The following PSG8 variants were observed in gnomAD, a reference collection of about 807,000 sequenced individuals.
The protein encoded by PSG8 is pregnancy-specific beta-1-glycoprotein 8.
In PSG8, 57 loss-of-function variants were observed where a neutral mutation model predicts 42.5. The ratio of observed to expected loss-of-function variants is 1.34; its 90% CI spans 1.08 to 1.67. The LOEUF (loss-of-function observed/expected upper bound fraction) is 1.67. PSG8 is among the 40% of genes most tolerant of loss of function. The pLI is 0.00. For synonymous variants in PSG8, 280 were observed against 196.8 expected (o/e 1.42, Z -3.54); for missense variants, 783 against 518.6 (o/e 1.51, Z -4.95).
intron 2 of PSG8, among the ~76,000 whole-genome samples, chr19:42,760,315 A>C (rs4803544): frequency 0.027 from 4,091 of 152,228 alleles, 84 homozygotes; most frequent in Non-Finnish European, 0.042. Flanking sequence ...GCCACCTCCA[A>C]CTGGTCCCCA....
rs566992814 is a variant in PSG8 at position 42,754,406 on chromosome 19, C to T, written c.1170G>A (p.Gly390=). Residue 390 remains glycine, a synonymous_variant, in exon 5 of 5, where the codon GGG becomes GGA. Coordinates refer to ENST00000306511, the MANE Select transcript of PSG8 (RefSeq NM_182707.3). ...AGTTACGAACAGAGCAAGCATAGAG[C>T]CCGCTATGCTTTGTAGTAATTTGGG... The part of the protein sequence containing the change: ...FIPQITTKHS[G]LYACSVRNSA... 27 of 1,613,796 alleles carry T rather than the reference C, an allele frequency of 1.7e-5. No individual in the cohort carries two copies. The African/African-American group carries it at 1.7e-4, about 10-fold the overall frequency.
Position 42,765,658 on chromosome 19 carries a change from A to G in PSG8, c.-77T>C. 3.2e-6 allele frequency: 5 copies of G among 1,562,224 alleles called. No homozygotes were observed. Among genetic ancestry groups the G allele is most frequent in the Non-Finnish European group, 4.4e-6 (5 of 1,144,824 alleles). Reference sequence around the variant, plus strand: ...AAGCTTCCTGAGCACAGCTCTCAGCAGTGCTGTCCTGCCTCCTTCTGCGCT... The same window carrying G: ...AAGCTTCCTGAGCACAGCTCTCAGCGGTGCTGTCCTGCCTCCTTCTGCGCT... On this transcript the variant is annotated 5_prime_UTR_variant, in exon 1 of 5. Coordinates refer to ENST00000306511, the MANE Select transcript of PSG8 (RefSeq NM_182707.3).
Position 42,764,282 on chromosome 19 carries a change from C to T in PSG8, c.65-1G>A, listed in dbSNP as rs767406965. 5 of 1,611,654 alleles carry T rather than the reference C, an allele frequency of 3.1e-6. No individual in the cohort carries two copies. The highest frequency in any genetic ancestry group is 2.5e-6 in the Non-Finnish European group (3 of 1,178,742). The stretch of plus-strand genomic sequence containing the variant: ...GGGTTCCAGAAGTTTAAAAGTGATG[C>T]TAGGAGGTGGAGAGAGCATCAGTCA... On this transcript the variant is annotated splice_acceptor_variant, in intron 1 of 4. Transcript: ENST00000306511. LOFTEE classifies it high-confidence loss of function.
intron 2 of PSG8, 104 bp from the exon 3 acceptor site, chr19:42,758,384 G>C (rs1361812583): frequency 6.5e-7 from 1 of 1,536,266 alleles, no homozygotes; most frequent in Non-Finnish European, 8.7e-7. Context: ...GCCCACCCAA[G>C]TCCTTAAAAG....
intron 2 of PSG8, 40 bp downstream of exon 2, chr19:42,763,876 C>A: frequency 6.2e-7 from 1 of 1,613,454 alleles, no homozygotes; most frequent in Non-Finnish European, 8.5e-7. Flanking sequence ...AGAAGTGACC[C>A]CTGTCCCCCA....
At chr19:42,763,717 G>A (rs1970134785) in intron 2 of PSG8, 199 bp downstream of exon 2, 2 of 1,054,256 alleles carry the variant, frequency 1.9e-6, no homozygotes, top group Admixed American at 3.9e-5. Flanking sequence ...AGTGTCTGCA[G>A]GGTCTGGATG....
At chr19:42,764,316 A>T (rs1487328333) in intron 1 of PSG8, 35 bp from the exon 2 acceptor site, 4 of 1,594,628 alleles carry the variant, frequency 2.5e-6, no homozygotes, top group Non-Finnish European at 3.4e-6. Context: ...CAATATTGAG[A>T]GCTATGTATT....
rs953187297 is a variant in PSG8 at position 42,755,253 on chromosome 19, C to T, written c.723G>A (p.Lys241=). ...TTAAGTTGTTGATGGTGATGTAGGG[C>T]TTGGGCAGCTTCGCTGTGTGGATAA... ...FTLNLLPKLP[K]PYITINNLKP... is the part of the protein sequence containing the mutation. Residue 241 remains lysine (K), a synonymous_variant, in exon 4 of 5, where the codon AAG becomes AAA. Coordinates refer to ENST00000306511, the MANE Select transcript of PSG8 (RefSeq NM_182707.3). The T allele has an allele frequency of 8.1e-6, 13 of 1,612,100 alleles. No individual in the cohort carries two copies. The highest frequency in any genetic ancestry group is 1.0e-5 in the Non-Finnish European group (12 of 1,179,772).
intron 2 of PSG8, among the ~76,000 whole-genome samples, chr19:42,761,194 T>C (rs1287090116): frequency 6.6e-6 from 1 of 152,166 alleles, no homozygotes; most frequent in Admixed American, 6.5e-5. Flanking sequence ...CTGTCCTCAC[T>C]CATTGCTGGG....
chr19:42,761,443 T>C (rs1413391986), intron 2 of PSG8, among the ~76,000 whole-genome samples: 1 of 152,186 alleles, frequency 6.6e-6, no homozygotes, highest in Non-Finnish European at 1.5e-5. Context: ...ACAAAAGTTG[T>C]AACTAATTGC....
intron 4 of PSG8, 100 bp from the exon 5 acceptor site, chr19:42,754,687 C>A: frequency 1.4e-6 from 2 of 1,413,488 alleles, no homozygotes; most frequent in South Asian, 1.4e-5. Flanking sequence ...CCAAGACACA[C>A]CCTCAAGTCC....
In PSG8 at chr19:42,758,148, G is replaced by T. The variant is rs766646869; in HGVS notation, c.563C>A (p.Pro188His). 6.2e-7 allele frequency: 1 copy of T among 1,613,994 alleles called. No individual in the cohort carries two copies. Among genetic ancestry groups the T allele is most frequent in the Non-Finnish European group, 8.5e-7 (1 of 1,179,958 alleles). ...AGACAACTGCAACCTGTGAGACATAGGGAGGCTCTGACCATTCATCCACCA... is the reference window on the plus strand; with the variant it reads ...AGACAACTGCAACCTGTGAGACATATGGAGGCTCTGACCATTCATCCACCA... ...YLWWMNGQSL[P>H]MSHRLQLSET... Residue 188 changes from proline (P) to histidine (H), a missense_variant, in exon 3 of 5, where the codon CCT becomes CAT. Physicochemically the swap from Pro to His is moderately conservative, Grantham distance 77 (BLOSUM62 -2). Coordinates refer to ENST00000306511, the MANE Select transcript of PSG8 (RefSeq NM_182707.3).
chr19:42,760,149 A>C (rs555022698), intron 2 of PSG8, among the ~76,000 whole-genome samples: 1 of 152,320 alleles, frequency 6.6e-6, no homozygotes, highest in East Asian at 1.9e-4. Flanking sequence ...ACACCACTAG[A>C]GTTTAAGTTT....
rs370580594 is a variant in PSG8, at chr19:42,764,258, G to A, written c.88C>T (p.Pro30Ser). Residue 30 changes from proline (P) to serine (S), a missense_variant, in exon 2 of 5, where the codon CCA becomes TCA. By Grantham distance (74) the Pro-to-Ser change is moderately conservative (BLOSUM62 -1). Transcript: ENST00000306511. Reference sequence around the variant, plus strand: ...ATCGTGACTTGGGCAGTCGTGGGTGGGTTCCAGAAGTTTAAAAGTGATGCT... The same window carrying A: ...ATCGTGACTTGGGCAGTCGTGGGTGAGTTCCAGAAGTTTAAAAGTGATGCT... ...LTASLLNFWN[P>S]PTTAQVTIEA... The A allele has an allele frequency of 1.3e-4, 216 of 1,613,434 alleles. 5 individuals are homozygous for A. The highest frequency in any genetic ancestry group is 1.2e-3 in the Middle Eastern group (7 of 6,042).
rs571879533 is a variant in PSG8 at position 42,758,555 on chromosome 19, T to C, written c.431-275A>G. ...ACACAGGACCAGCAGTCACAGCCCC[T>C]GTTGCCTCTCTGAGTCCCTCCGTCT... On this transcript the variant is annotated intron_variant, in intron 2 of 4. Coordinates refer to ENST00000306511, the MANE Select transcript of PSG8 (RefSeq NM_182707.3). The C allele has an allele frequency of 3.8e-5, 25 of 654,144 alleles. No homozygotes were observed. In the East Asian group the frequency reaches 8.4e-4, roughly 22 times the overall value. 40.5% of individuals were successfully genotyped at this position (654,144 alleles called of 1,614,324 possible). A position where few individuals can be genotyped will look rare whatever the true frequency, so the allele number is the denominator to read the frequency against.
intron 2 of PSG8, among the ~76,000 whole-genome samples, chr19:42,761,433 A>G (rs62112124): frequency 0.019 from 2,949 of 152,302 alleles, 67 homozygotes; most frequent in South Asian, 0.031. Flanking sequence ...GCAAGAGTTT[A>G]CAAAAGTTGT....
chr19:42,756,693 A>T (rs537871418), intron 3 of PSG8, among the ~76,000 whole-genome samples: 9 of 151,824 alleles, frequency 5.9e-5, no homozygotes, highest in African/African-American at 2.2e-4. Context: ...GCCATGCCTC[A>T]CTCGTATATT....
chr19:42,765,445 A>AGGAG, intron 1 of PSG8, 73 bp downstream of exon 1: 2 of 1,590,424 alleles, frequency 1.3e-6, no homozygotes, highest in Non-Finnish European at 8.6e-7. Flanking sequence ...TTAGTACCCC[A>AGGAG]TACTCTCAAG....
intron 2 of PSG8, among the ~76,000 whole-genome samples, chr19:42,761,113 C>A (rs1485575898): frequency 6.6e-6 from 1 of 152,094 alleles, no homozygotes; most frequent in African/African-American, 2.4e-5. Context: ...CCTGGTGAGT[C>A]CGTGCAAAGA....
Sources: allele counts gnomAD v4.1 joint callset (sites outside exome capture counted in the v4.1 genomes callset), GRCh38; gene constraint gnomAD v4.1.1; transcripts MANE v1.5; gene names NCBI Gene and HGNC (gene_info 2026-07-23, HGNC 2026-07-21).